ZFAT: variants seen among roughly 807,000 people sequenced by gnomAD.
ZFAT encodes zinc finger and AT-hook domain containing.
A neutral mutation model predicts 117.7 loss-of-function variants in ZFAT; 64 were observed. The observed-to-expected ratio is 0.54, with a 90% CI of 0.44 to 0.67. The LOEUF (loss-of-function observed/expected upper bound fraction) is 0.67, where lower values mean the gene tolerates loss of function less well. Among genes scored for constraint, ZFAT ranks in the 30% least tolerant of loss-of-function variants. The pLI, the probability that ZFAT is intolerant of heterozygous loss-of-function variation, is 0.00. For synonymous variants in ZFAT, 679 were observed against 615.0 expected (o/e 1.10, Z -1.54); for missense variants, 1,433 against 1,584.5 (o/e 0.90, Z 1.62).
chr8:134,806,154 CTACTG>C, the ZFAT span, among the ~76,000 whole-genome samples: 1 of 152,048 alleles, frequency 6.6e-6, no homozygotes, highest in African/African-American at 2.4e-5. Context: ...TACAGAATAA[CTACTG>C]AAGAAAACCA....
chr8:134,774,931 A>G, the ZFAT span, among the ~76,000 whole-genome samples: 8 of 152,338 alleles, frequency 5.3e-5, no homozygotes, highest in South Asian at 1.7e-3. Context: ...AGCCTGACCA[A>G]GATGGTGAAA....
the ZFAT span, among the ~76,000 whole-genome samples, chr8:134,743,313 A>G: frequency 1.3e-5 from 2 of 151,928 alleles, no homozygotes; most frequent in Non-Finnish European, 2.9e-5. Context: ...ACATGGTGAA[A>G]CCCCGTCTCT....
chr8:134,572,735 A>T (rs1478841758), intron 10 of ZFAT, among the ~76,000 whole-genome samples: 1 of 151,990 alleles, frequency 6.6e-6, no homozygotes, highest in African/African-American at 2.4e-5. Context: ...GAGTCATACC[A>T]CTTTTTGGAG....
At chr8:134,800,368 C>T in the ZFAT span, among the ~76,000 whole-genome samples, 1 of 152,164 alleles carries the variant, frequency 6.6e-6, no homozygotes, top group South Asian at 2.1e-4. Flanking sequence ...AAGTAGATCC[C>T]TGCCAGCTAG....
chr8:134,770,193 T>A, the ZFAT span, among the ~76,000 whole-genome samples: 1 of 152,194 alleles, frequency 6.6e-6, no homozygotes, highest in Admixed American at 6.5e-5. Context: ...TGGGATTTTC[T>A]TTTTCTATCG....
intron 11 of ZFAT, among the ~76,000 whole-genome samples, chr8:134,543,322 A>C (rs972126801): frequency 4.0e-5 from 6 of 151,538 alleles, no homozygotes; most frequent in African/African-American, 1.4e-4. Context: ...GGTCATGTAC[A>C]AATACCCAGA....
At chr8:134,818,845 G>A in the ZFAT span, among the ~76,000 whole-genome samples, 1 of 152,206 alleles carries the variant, frequency 6.6e-6, no homozygotes, top group Non-Finnish European at 1.5e-5. Flanking sequence ...CAGACAAAAG[G>A]AGTGCATATT....
chr8:134,593,443 C>T (rs1826676929), intron 7 of ZFAT, among the ~76,000 whole-genome samples: 1 of 152,094 alleles, frequency 6.6e-6, no homozygotes, highest in African/African-American at 2.4e-5. Context: ...ACTGACACAG[C>T]AAACTTAAAA....
chr8:134,494,328 C>T (rs1818270624), intron 15 of ZFAT, among the ~76,000 whole-genome samples: 1 of 152,132 alleles, frequency 6.6e-6, no homozygotes, highest in Non-Finnish European at 1.5e-5. Context: ...TCCTTGCAGG[C>T]CCCGGCCTTT....
In ZFAT at chr8:134,534,775, A is replaced by AAGAGAGAGAGAGAGAG. The variant is rs36097833; in HGVS notation, c.2977-1819_2977-1804dup. Among the ~76,000 whole-genome samples, 642 of 136,400 alleles carry AAGAGAGAGAGAGAGAG rather than the reference A, an allele frequency of 4.7e-3. 5 individuals are homozygous for AAGAGAGAGAGAGAGAG. Among genetic ancestry groups the AAGAGAGAGAGAGAGAG allele is most frequent in the Non-Finnish European group, 5.2e-3 (338 of 65,334 alleles). The allele number at this position is 136,400 out of a possible 152,430, so 89.5% of individuals were successfully genotyped here. A position where few individuals can be genotyped will look rare whatever the true frequency, so the allele number is the denominator to read the frequency against. On this transcript the variant is annotated intron_variant, in intron 11 of 15. Coordinates refer to ENST00000377838, the MANE Select transcript of ZFAT (RefSeq NM_020863.4). ...AGAGGGGGAGAGGGAGAGAGGGAGA[A>AAGAGAGAGAGAGAGAG]AGAGAGAGAGAGAGAGAGAGAGGAG...
chr8:134,496,129 C>T (rs1381876305), intron 15 of ZFAT, among the ~76,000 whole-genome samples: 1 of 152,188 alleles, frequency 6.6e-6, no homozygotes, highest in Non-Finnish European at 1.5e-5. Context: ...GATTTATTGA[C>T]TCAGCCACGT....
chr8:134,752,735 T>C, the ZFAT span, among the ~76,000 whole-genome samples: 2 of 152,130 alleles, frequency 1.3e-5, no homozygotes, highest in Non-Finnish European at 2.9e-5. Context: ...TGCACAGCCA[T>C]CTTTATGCAG....
chr8:134,687,896 T>C (rs1168857360), intron 1 of ZFAT, among the ~76,000 whole-genome samples: 1 of 152,200 alleles, frequency 6.6e-6, no homozygotes, highest in African/African-American at 2.4e-5. Flanking sequence ...GGGGCAGGCC[T>C]GCCTCTCGTC....
the ZFAT span, among the ~76,000 whole-genome samples, chr8:134,800,036 C>T: frequency 6.6e-6 from 1 of 152,120 alleles, no homozygotes; most frequent in Non-Finnish European, 1.5e-5. Context: ...CTCCAAATCC[C>T]GTAGCAAATT....
In ZFAT at chr8:134,600,659, A is replaced by C. The variant is rs1472555183; in HGVS notation, c.2252T>G (p.Phe751Cys). 1 of 1,578,178 alleles carries C rather than the reference A, an allele frequency of 6.3e-7. No homozygotes were observed. The highest frequency in any genetic ancestry group is 8.6e-7 in the Non-Finnish European group (1 of 1,160,702). ...CATATCAAAATGCACTTGGTACCAA[A>C]AAAGTTTGCCTAAAAAAATATTTTC... ...DLECEYCGKL[F>C]WYQVHFDMHV... The change falls in exon 7 of 16, where the codon TTT becomes TGT. Residue 751 changes from phenylalanine (F) to cysteine (C), a missense_variant. Phe to Cys is a radical substitution (Grantham distance 205, BLOSUM62 -2). Transcript: ENST00000377838.
At chr8:134,487,171 C>T (rs901311099) in intron 15 of ZFAT, among the ~76,000 whole-genome samples, 1 of 152,112 alleles carries the variant, frequency 6.6e-6, no homozygotes, top group Admixed American at 6.5e-5. Flanking sequence ...TCCATTGCTA[C>T]ACTTGTGTAT....
At chr8:134,717,172 T>A (rs1028178205), upstream of ZFAT, among the ~76,000 whole-genome samples, 14 of 152,184 alleles carry the variant, frequency 9.2e-5, no homozygotes, top group African/African-American at 3.4e-4. Context: ...ATGAAGGTCA[T>A]TGTAAACTGT....
chr8:134,828,117 AAC>A, the ZFAT span, among the ~76,000 whole-genome samples: 2 of 152,236 alleles, frequency 1.3e-5, no homozygotes, highest in Non-Finnish European at 2.9e-5. Context: ...TTCTGAAATT[AAC>A]AGTCATTTGA....
chr8:134,795,309 C>A, the ZFAT span: 14 of 152,130 alleles, frequency 9.2e-5, no homozygotes, highest in African/African-American at 3.1e-4. Flanking sequence ...CCTCCAGGGA[C>A]ACGACAGGGC....
Sources: gnomAD v4.1 joint callset for allele counts (sites outside exome capture counted in the v4.1 genomes callset) on GRCh38, gnomAD v4.1.1 for gene constraint, MANE v1.5 for transcripts, NCBI Gene and HGNC (gene_info 2026-07-23, HGNC 2026-07-21) for gene names.